The following CRYM variants were observed in gnomAD, a reference collection of about 807,000 sequenced individuals.
CRYM encodes crystallin mu.
CRYM carries 18 observed loss-of-function variants against 32.9 expected under a neutral mutation model. The ratio of observed to expected loss-of-function variants is 0.55; its 90% CI spans 0.38 to 0.81. The LOEUF (loss-of-function observed/expected upper bound fraction) is 0.81, where lower values mean the gene tolerates loss of function less well. CRYM is among the 30% of genes least tolerant of loss of function. The pLI is 0.00. For synonymous variants in CRYM, 153 were observed against 152.4 expected, an observed-to-expected ratio of 1.00 and a Z score of -0.03; for missense variants, 337 against 393.5, an observed-to-expected ratio of 0.86 and a Z score of 1.21.
At chr16:21,283,719 G>C (rs905073258) in intron 1 of CRYM, 1 of 151,934 alleles carries the variant, frequency 6.6e-6, no homozygotes, top group African/African-American at 2.4e-5. Flanking sequence ...CGCGCCCCCG[G>C]CACCTTCCGC....
intron 3 of CRYM, among the ~76,000 whole-genome samples, chr16:21,271,779 C>T (rs1442569595): frequency 6.6e-6 from 1 of 152,158 alleles, no homozygotes; most frequent in African/African-American, 2.4e-5. Context: ...CTTCAACTTC[C>T]TAAACTAAAT....
chr16:21,261,287 G>T lies in CRYM; in HGVS notation c.847C>A (p.His283Asn). ...GEVIKGVKPA[H>N]CEKTTVFKSL... ...TTGAACACGGTGGTCTTCTCACAGT[G>T]GGCTGGTTTCACTCCCTTAATCACT... The change falls in exon 7 of 8, where the codon CAC (histidine) becomes AAC (asparagine). Residue 283 changes from histidine to asparagine, a missense_variant. Transcript: ENST00000572914. 7 of 1,614,002 alleles carry T rather than the reference G, an allele frequency of 4.3e-6. No individual in the cohort carries two copies. Among genetic ancestry groups the T allele is most frequent in the Non-Finnish European group, 5.9e-6 (7 of 1,179,988 alleles).
In CRYM at chr16:21,277,993, T is replaced by C; in HGVS notation, c.170+89A>G. ...GTTAGCAACGGTTAGGCAAGCCGTCTCTTCCCTTCTCCCACCCCTCCTCTT... is the reference window on the plus strand; with the variant it reads ...GTTAGCAACGGTTAGGCAAGCCGTCCCTTCCCTTCTCCCACCCCTCCTCTT... On this transcript the variant is annotated intron_variant, in intron 1 of 7. Coordinates refer to ENST00000572914, the MANE Select transcript of CRYM (RefSeq NM_001376256.1). The surrounding 1 kb of genome is among the most constrained non-coding windows in gnomAD (Gnocchi z 4.2). 7.1e-7 allele frequency: 1 copy of C among 1,409,328 alleles called. No homozygotes were observed. The highest frequency in any genetic ancestry group is 9.5e-7 in the Non-Finnish European group (1 of 1,048,902). The allele number at this position is 1,409,328 out of a possible 1,614,324, so 87.3% of individuals were successfully genotyped here. A position where few individuals can be genotyped will look rare whatever the true frequency, so the allele number is the denominator to read the frequency against.
At chr16:21,295,541 T>C (rs1041624604) in intron 1 of CRYM, among the ~76,000 whole-genome samples, 1 of 152,202 alleles carries the variant, frequency 6.6e-6, no homozygotes, top group Non-Finnish European at 1.5e-5. Flanking sequence ...GTTCTTTTTA[T>C]GTCAGTTTTG....
intron 3 of CRYM, among the ~76,000 whole-genome samples, chr16:21,271,002 A>T (rs1258281697): frequency 6.6e-6 from 1 of 152,204 alleles, no homozygotes; most frequent in Non-Finnish European, 1.5e-5. Context: ...TTTAAGCCCC[A>T]TGAGGACAGA....
chr16:21,259,629 T>G (rs2093350791), intron 7 of CRYM, among the ~76,000 whole-genome samples: 1 of 152,180 alleles, frequency 6.6e-6, no homozygotes, highest in Non-Finnish European at 1.5e-5. Context: ...TCTCCCCCCA[T>G]TCATTTGAAA....
At chr16:21,274,691 T>C (rs2379632) in intron 3 of CRYM, among the ~76,000 whole-genome samples, 40,765 of 151,992 alleles carry the variant, frequency 0.27, 5,915 homozygotes, top group African/African-American at 0.36. Context: ...TTGCAACCTC[T>C]GCCTCCTGAG....
At chr16:21,290,157 A>G (rs1160646143) in intron 1 of CRYM, among the ~76,000 whole-genome samples, 1 of 152,158 alleles carries the variant, frequency 6.6e-6, no homozygotes, top group Non-Finnish European at 1.5e-5. Context: ...GCAATGTCGG[A>G]TCCCCTTCCA....
chr16:21,299,340 A>T lies in CRYM; in HGVS notation c.-193+3638T>A, dbSNP rs367994675. 6.4e-4 allele frequency among the ~76,000 whole-genome samples: 96 copies of T among 150,792 alleles called. 1 individual carries two copies. The South Asian group carries it at 0.018, about 28-fold the overall frequency. ...TTTTTACTTTTTGAAACAGAGTCTCACTCTGTCACCCAGGTTGGAGTTGAG... is the reference window on the plus strand; with the variant it reads ...TTTTTACTTTTTGAAACAGAGTCTCTCTCTGTCACCCAGGTTGGAGTTGAG... On this transcript the variant is annotated intron_variant, in intron 1 of 9. Transcript: ENST00000219599.
intron 4 of CRYM, chr16:21,268,742 C>T (rs1192215512): frequency 6.6e-6 from 1 of 152,084 alleles, no homozygotes; most frequent in East Asian, 1.9e-4. Context: ...GCATATCTAA[C>T]GTGACTAAAG....
intron 1 of CRYM, among the ~76,000 whole-genome samples, chr16:21,284,451 C>A (rs977511829): frequency 8.5e-5 from 13 of 152,132 alleles, no homozygotes; most frequent in African/African-American, 3.1e-4. Flanking sequence ...CCCAAATAAA[C>A]CCTGTACTCA....
chr16:21,293,758 C>T (rs1355747232), intron 1 of CRYM, among the ~76,000 whole-genome samples: 1 of 152,144 alleles, frequency 6.6e-6, no homozygotes, highest in Non-Finnish European at 1.5e-5. Flanking sequence ...AACTGCACTT[C>T]ACTGTATTAA....
At chr16:21,302,472 T>G (rs1234885997) in intron 1 of CRYM, among the ~76,000 whole-genome samples, 1 of 152,240 alleles carries the variant, frequency 6.6e-6, no homozygotes, top group Non-Finnish European at 1.5e-5. Flanking sequence ...AAGTCACATA[T>G]GTAAGGAATA....
At chr16:21,299,689 T>A (rs1443460436) in intron 1 of CRYM, among the ~76,000 whole-genome samples, 5 of 152,220 alleles carry the variant, frequency 3.3e-5, no homozygotes, top group African/African-American at 1.2e-4. Context: ...ATCATTGCTA[T>A]GAACTCCACA....
intron 3 of CRYM, among the ~76,000 whole-genome samples, chr16:21,271,550 C>A (rs1326410320): frequency 1.3e-5 from 2 of 152,176 alleles, no homozygotes; most frequent in African/African-American, 2.4e-5. Flanking sequence ...AGGAGAGATA[C>A]CATTCTGTGC....
intron 3 of CRYM, among the ~76,000 whole-genome samples, chr16:21,274,259 C>T (rs755834059): frequency 2.6e-5 from 4 of 152,182 alleles, no homozygotes; most frequent in Non-Finnish European, 4.4e-5. Flanking sequence ...TGCTTGGGAA[C>T]ATCATCACCC....
chr16:21,289,746 C>A (rs1047417638), intron 1 of CRYM, among the ~76,000 whole-genome samples: 2 of 151,984 alleles, frequency 1.3e-5, no homozygotes, highest in African/African-American at 4.8e-5. Flanking sequence ...GGCTTTTATT[C>A]CCTTATTTGG....
At chr16:21,270,146 C>T (rs1468823130) in intron 3 of CRYM, among the ~76,000 whole-genome samples, 1 of 152,080 alleles carries the variant, frequency 6.6e-6, no homozygotes, top group Non-Finnish European at 1.5e-5. Flanking sequence ...AGACATTGAC[C>T]CTACGAGTTG....
chr16:21,291,135 T>A (rs960766225), intron 1 of CRYM, among the ~76,000 whole-genome samples: 1 of 152,220 alleles, frequency 6.6e-6, no homozygotes. Flanking sequence ...CTGGGACAGT[T>A]CATTTCATAT....
Sources: allele counts gnomAD v4.1 joint callset (sites outside exome capture counted in the v4.1 genomes callset), GRCh38; gene constraint gnomAD v4.1.1; non-coding constraint Gnocchi (gnomAD v3.1); transcripts MANE v1.5; gene names NCBI Gene and HGNC (gene_info 2026-07-23, HGNC 2026-07-21).